The following CEP83 variants were observed in gnomAD, a reference collection of about 807,000 sequenced individuals.
CEP83 encodes the protein centrosomal protein 83.
CEP83 carries 70 observed loss-of-function variants against 101.9 expected under a neutral mutation model. That is an observed-to-expected ratio of 0.69 (90% CI 0.57 to 0.84). CEP83 has a LOEUF of 0.84. CEP83 is among the 40% of genes least tolerant of loss of function. The probability of loss-of-function intolerance (pLI) is 0.00; values close to 1 mark genes in which losing one functional copy is unlikely to be tolerated. For missense variants in CEP83, 715 were observed against 787.2 expected (o/e 0.91, Z 1.10); for synonymous variants, 264 against 267.9 (o/e 0.99, Z 0.14).
At chr12:94,406,769 AT>A (rs113204710) in intron 4 of CEP83, among the ~76,000 whole-genome samples, 1 of 152,002 alleles carries the variant, frequency 6.6e-6, no homozygotes, top group Non-Finnish European at 1.5e-5. Flanking sequence ...ACAATAAAAA[AT>A]TTAAAAATTA....
chr12:94,370,122 A>T, intron 8 of CEP83, 86 bp from the exon 9 acceptor site: 1 of 752,882 alleles, frequency 1.3e-6, no homozygotes, highest in East Asian at 2.5e-5. Context: ...AAACAAGAAA[A>T]CGCTCTGGTA....
intron 2 of CEP83, among the ~76,000 whole-genome samples, chr12:94,433,663 C>T (rs1489865507): frequency 6.7e-6 from 1 of 149,824 alleles, no homozygotes; most frequent in African/African-American, 2.5e-5. Flanking sequence ...GCCTGGGTGA[C>T]GAGGTGAGAC....
intron 2 of CEP83, chr12:94,423,971 G>C: frequency 6.2e-7 from 1 of 1,613,112 alleles, no homozygotes; most frequent in Non-Finnish European, 8.5e-7. Flanking sequence ...CATGGAGGCA[G>C]GCTGGAGAGA....
intron 1 of CEP83, among the ~76,000 whole-genome samples, chr12:94,448,140 A>G (rs2066944967): frequency 6.6e-6 from 1 of 152,128 alleles, no homozygotes; most frequent in Admixed American, 6.5e-5. Context: ...CCATAGAAAC[A>G]GTAACCACAA....
intron 6 of CEP83, among the ~76,000 whole-genome samples, chr12:94,380,071 C>CAAAAAAAAAAAAAAAAAAACAA: frequency 1.2e-5 from 1 of 83,192 alleles, no homozygotes; most frequent in Non-Finnish European, 2.4e-5. Flanking sequence ...CCCGGCCCTG[C>CAAAAAAAAAAAAAAAAAAACAA]AAAAAAAAAA....
In CEP83 at chr12:94,424,361, G is replaced by T. The variant is rs569204500; in HGVS notation, c.-102+10914C>A. The T allele has an allele frequency of 9.3e-6, 15 of 1,613,938 alleles. No homozygotes were observed. The South Asian group carries it at 1.4e-4, about 15-fold the overall frequency. The stretch of plus-strand genomic sequence containing the variant: ...ATCGGATGGGGCTGGTACTCCAGGG[G>T]GTGTCTTAATATATTTTCCATTAAA... On this transcript the variant is annotated intron_variant, in intron 2 of 16. Transcript: ENST00000397809.
chr12:94,331,251 A>T (rs1171199282), intron 14 of CEP83, among the ~76,000 whole-genome samples: 1 of 130,068 alleles, frequency 7.7e-6, no homozygotes, highest in Non-Finnish European at 1.6e-5. Flanking sequence ...AGATTGCACC[A>T]CTGCAATCCA....
chr12:94,390,309 C>T (rs1201985207), intron 6 of CEP83, among the ~76,000 whole-genome samples: 3 of 152,166 alleles, frequency 2.0e-5, no homozygotes, highest in Non-Finnish European at 4.4e-5. Flanking sequence ...TCTGTGACGT[C>T]TGCTGGTGAT....
At chr12:94,446,909 A>C (rs1408928222) in intron 1 of CEP83, among the ~76,000 whole-genome samples, 1 of 152,184 alleles carries the variant, frequency 6.6e-6, no homozygotes, top group East Asian at 1.9e-4. Context: ...AAACCTGCAA[A>C]TGCTGAAACA....
intron 13 of CEP83, 147 bp downstream of exon 13, chr12:94,333,335 T>A: frequency 1.6e-6 from 1 of 636,884 alleles, no homozygotes; most frequent in East Asian, 2.9e-5. Context: ...ATAAAGTACA[T>A]TATTACCTCA....
chr12:94,360,710 C>A (rs943097358), intron 11 of CEP83, among the ~76,000 whole-genome samples: 2 of 151,864 alleles, frequency 1.3e-5, no homozygotes, highest in South Asian at 4.2e-4. Context: ...CAATTTCTAC[C>A]ATATTACCAA....
chr12:94,443,870 T>C (rs952517142), intron 1 of CEP83, among the ~76,000 whole-genome samples: 1 of 152,168 alleles, frequency 6.6e-6, no homozygotes, highest in African/African-American at 2.4e-5. Context: ...CCAAAGAAAC[T>C]ATAAATTCCT....
At chr12:94,411,646 A>T in intron 4 of CEP83, 51 bp downstream of exon 4, 1 of 1,399,772 alleles carries the variant, frequency 7.1e-7, no homozygotes, top group Non-Finnish European at 9.9e-7. Context: ...TACTTCCACT[A>T]CGTATCTGAC....
At chr12:94,311,617 T>C (rs1310338398) in intron 15 of CEP83, among the ~76,000 whole-genome samples, 2 of 152,096 alleles carry the variant, frequency 1.3e-5, no homozygotes, top group Non-Finnish European at 2.9e-5. Flanking sequence ...ACCCCAAACA[T>C]CTGGTGTCAG....
chr12:94,311,619 T>C (rs915874290), intron 15 of CEP83, among the ~76,000 whole-genome samples: 6 of 152,146 alleles, frequency 3.9e-5, no homozygotes, highest in African/African-American at 1.4e-4. Flanking sequence ...CCCAAACATC[T>C]GGTGTCAGAA....
chr12:94,295,045 C>T, the CEP83 span, among the ~76,000 whole-genome samples: 1 of 152,220 alleles, frequency 6.6e-6, no homozygotes, highest in Non-Finnish European at 1.5e-5. Flanking sequence ...ATAGGCTGGT[C>T]TCTAAAGTGA....
the CEP83 span, chr12:94,297,045 A>C: frequency 7.8e-3 from 5,648 of 726,690 alleles, 248 homozygotes; most frequent in African/African-American, 0.091. Flanking sequence ...GCAGGGGGAA[A>C]AATGTAGCTA....
intron 11 of CEP83, among the ~76,000 whole-genome samples, chr12:94,358,441 T>G (rs940672239): frequency 6.6e-6 from 1 of 152,182 alleles, no homozygotes; most frequent in Non-Finnish European, 1.5e-5. Flanking sequence ...TGGCAGCCAT[T>G]GTTAAGCCTC....
Position 94,445,929 on chromosome 12 carries a change from A to G in CEP83, c.-154-10602T>C, listed in dbSNP as rs544837932. Among the ~76,000 whole-genome samples the G allele has an allele frequency of 5.9e-5, 9 of 152,336 alleles. No individual in the cohort carries two copies. In the South Asian group the frequency reaches 1.0e-3, roughly 18 times the overall value. On this transcript the variant is annotated intron_variant, in intron 1 of 16. Transcript: ENST00000397809. ...AAGCCTGAACCCTAGAGCAGGCTGGAAAATGAATGAATGAATGAATACAAA... is the reference window on the plus strand; with the variant it reads ...AAGCCTGAACCCTAGAGCAGGCTGGGAAATGAATGAATGAATGAATACAAA...
Sources: allele counts gnomAD v4.1 joint callset (sites outside exome capture counted in the v4.1 genomes callset), GRCh38; gene constraint gnomAD v4.1.1; transcripts MANE v1.5; gene names NCBI Gene and HGNC (gene_info 2026-07-23, HGNC 2026-07-21).